Variants in ETS1 observed in about 807,000 individuals in gnomAD.
ETS1 encodes the protein ETS proto-oncogene 1, transcription factor, also known as protein C-ets-1.
ETS1 carries 15 observed loss-of-function variants against 58.6 expected under a neutral mutation model. That is an observed-to-expected ratio of 0.26 (90% CI 0.17 to 0.39). The LOEUF is 0.39. Ranked by LOEUF, ETS1 falls within the 10% of genes least tolerant of loss-of-function variation. The pLI is 1.00. For missense variants in ETS1, 417 were observed against 610.5 expected, an observed-to-expected ratio of 0.68 and a Z score of 3.34; for synonymous variants, 214 against 218.2, an observed-to-expected ratio of 0.98 and a Z score of 0.17.
chr11:128,513,477 A>G (rs1203059620), intron 3 of ETS1, among the ~76,000 whole-genome samples: 2 of 152,228 alleles, frequency 1.3e-5, no homozygotes, highest in African/African-American at 4.8e-5. Flanking sequence ...CTCCTCACAG[A>G]GTGGATGCTG....
At chr11:128,580,599 C>T (rs559009949) in intron 1 of ETS1, among the ~76,000 whole-genome samples, 1 of 152,320 alleles carries the variant, frequency 6.6e-6, no homozygotes, top group East Asian at 1.9e-4. Flanking sequence ...ACCTCATTTG[C>T]TTGACTAAGT....
At chr11:128,495,148 C>T (rs1386680009) in intron 3 of ETS1, among the ~76,000 whole-genome samples, 2 of 152,078 alleles carry the variant, frequency 1.3e-5, no homozygotes, top group African/African-American at 2.4e-5. Flanking sequence ...AAATCAAGGC[C>T]CTGGGAGATC....
chr11:128,540,275 C>T (rs1056817854), intron 3 of ETS1, among the ~76,000 whole-genome samples: 3 of 147,924 alleles, frequency 2.0e-5, no homozygotes, highest in Non-Finnish European at 4.4e-5. Context: ...GGAGATTGTG[C>T]CATTGTACTA....
At chr11:128,489,523 G>A in intron 4 of ETS1, 33 bp from the exon 5 acceptor site, 3 of 1,594,052 alleles carry the variant, frequency 1.9e-6, no homozygotes, top group Non-Finnish European at 2.6e-6. Context: ...GATCCAGCAG[G>A]TCGGGCTTTT....
rs1861884892 is a variant in ETS1, at chr11:128,460,641, GT to G, written c.*1719del. The stretch of plus-strand genomic sequence containing the variant: ...AGGCACTTTTCCTCACTAGTTAGAT[GT>G]TGACTTTTCCTCTAAAACTCCATTT... On this transcript the variant is annotated 3_prime_UTR_variant, in exon 10 of 10. Coordinates refer to ENST00000392668, the MANE Select transcript of ETS1 (RefSeq NM_001143820.2). The G allele has an allele frequency of 6.6e-6, 1 of 152,328 alleles. No homozygotes were observed. The highest frequency in any genetic ancestry group is 1.5e-5 in the Non-Finnish European group (1 of 68,038). The allele number at this position is 152,328 out of a possible 1,614,324, so 9.4% of individuals were successfully genotyped here.
At chr11:128,564,811 G>C (rs1376129097) in intron 2 of ETS1, among the ~76,000 whole-genome samples, 1 of 152,070 alleles carries the variant, frequency 6.6e-6, no homozygotes, top group Non-Finnish European at 1.5e-5. Context: ...GGAGACTGAG[G>C]CTGACTCAAA....
rs1430932270 is a variant in ETS1, at chr11:128,463,429, A to T, written c.1242+80T>A. ...GGGAATCCCAATCCTGGAACACGTCATTCAGGCCCACGCCACCCCTTCCAG... is the reference window on the plus strand; with the variant it reads ...GGGAATCCCAATCCTGGAACACGTCTTTCAGGCCCACGCCACCCCTTCCAG... On this transcript the variant is annotated intron_variant, in intron 9 of 9. Transcript: ENST00000392668. This position sits in a 1 kb window ranked among gnomAD's most constrained non-coding sequence, Gnocchi z 4.1. 3 of 830,262 alleles carry T rather than the reference A, an allele frequency of 3.6e-6. No homozygotes were observed. Among genetic ancestry groups the T allele is most frequent in the African/African-American group, 1.7e-5 (1 of 59,816 alleles). The allele number at this position is 830,262 out of a possible 1,614,324, so 51.4% of individuals were successfully genotyped here.
At chr11:128,527,314 TG>T (rs1471272677) in intron 3 of ETS1, 2 of 193,216 alleles carry the variant, frequency 1.0e-5, no homozygotes, top group East Asian at 1.7e-4. Flanking sequence ...CCCAACAATG[TG>T]GGGTGGATTG....
chr11:128,481,701 C>A (rs1022903486), intron 7 of ETS1, among the ~76,000 whole-genome samples: 1 of 152,206 alleles, frequency 6.6e-6, no homozygotes, highest in African/African-American at 2.4e-5. Flanking sequence ...TATACAACTT[C>A]ATATTAGTGT....
intron 3 of ETS1, chr11:128,522,141 TC>T: frequency 7.7e-7 from 1 of 1,292,826 alleles, no homozygotes. Flanking sequence ...TGCCTTTCTT[TC>T]CCCCGCGCCC....
In ETS1 at chr11:128,463,681, A is replaced by C. The variant is rs1246611237; in HGVS notation, c.1124-54T>G. On this transcript the variant is annotated intron_variant, in intron 8 of 9. Transcript: ENST00000392668. The surrounding 1 kb of genome is among the most constrained non-coding windows in gnomAD (Gnocchi z 4.1). The stretch of plus-strand genomic sequence containing the variant: ...ACACCAGATATTCAGCACTCTACGC[A>C]GCTAATCCCCACACACGGCACTCCC... 1.0e-6 allele frequency: 1 copy of C among 986,090 alleles called. No homozygotes were observed. The highest frequency in any genetic ancestry group is 1.6e-5 in the African/African-American group (1 of 63,028). The allele number at this position is 986,090 out of a possible 1,614,324, so 61.1% of individuals were successfully genotyped here. A position where few individuals can be genotyped will look rare whatever the true frequency, so the allele number is the denominator to read the frequency against.
intron 3 of ETS1, among the ~76,000 whole-genome samples, chr11:128,509,480 G>A (rs1437033491): frequency 6.7e-6 from 1 of 149,854 alleles, no homozygotes; most frequent in African/African-American, 2.5e-5. Context: ...CACAAGTTTA[G>A]TAAATTTGGC....
chr11:128,524,474 C>G (rs1034093622), intron 3 of ETS1, among the ~76,000 whole-genome samples: 3 of 152,234 alleles, frequency 2.0e-5, no homozygotes, highest in African/African-American at 2.4e-5. Flanking sequence ...AGTTATGCAT[C>G]GAACCCTGGA....
At chr11:128,556,251 C>T in intron 3 of ETS1, 40 bp downstream of exon 3, 1 of 1,559,434 alleles carries the variant, frequency 6.4e-7, no homozygotes, top group Non-Finnish European at 8.7e-7. Flanking sequence ...CATTGTCCTT[C>T]AACTCTATCC....
intron 3 of ETS1, among the ~76,000 whole-genome samples, chr11:128,541,784 C>T (rs1864061648): frequency 6.6e-6 from 1 of 152,088 alleles, no homozygotes; most frequent in Non-Finnish European, 1.5e-5. Flanking sequence ...GGACAAAGCC[C>T]CTGACCTCAA....
intron 3 of ETS1, among the ~76,000 whole-genome samples, chr11:128,544,638 C>T (rs977781282): frequency 6.6e-6 from 1 of 151,946 alleles, no homozygotes; most frequent in African/African-American, 2.4e-5. Context: ...CACAAATAAT[C>T]TCATTACCCC....
chr11:128,492,250 T>C (rs1278777585), intron 3 of ETS1, among the ~76,000 whole-genome samples: 1 of 152,168 alleles, frequency 6.6e-6, no homozygotes, highest in Non-Finnish European at 1.5e-5. Flanking sequence ...ACACAAACAA[T>C]GTGTTATGGG....
chr11:128,530,472 G>C (rs541071344), intron 3 of ETS1: 1 of 152,394 alleles, frequency 6.6e-6, no homozygotes, highest in East Asian at 1.9e-4. Context: ...CTGGCAGTGA[G>C]AGGTAATGAC....
intron 1 of ETS1, among the ~76,000 whole-genome samples, chr11:128,579,462 G>C (rs1864818657): frequency 6.6e-6 from 1 of 152,016 alleles, no homozygotes; most frequent in African/African-American, 2.4e-5. Flanking sequence ...AGGAGTTCAA[G>C]AGCAGCCTGA....
Sources: allele counts gnomAD v4.1 joint callset (sites outside exome capture counted in the v4.1 genomes callset), GRCh38; gene constraint gnomAD v4.1.1; non-coding constraint Gnocchi (gnomAD v3.1); transcripts MANE v1.5; gene names NCBI Gene and HGNC (gene_info 2026-07-23, HGNC 2026-07-21).